CDK6: variants seen among roughly 807,000 people sequenced by gnomAD.
CDK6 encodes cyclin dependent kinase 6, also known as cyclin-dependent kinase 6.
In CDK6, 6 loss-of-function variants were observed where a neutral mutation model predicts 37.1. The observed-to-expected ratio is 0.16, with a 90% CI of 0.09 to 0.32. The LOEUF is 0.32. CDK6 is among the 10% of genes least tolerant of loss of function. The pLI, the probability that CDK6 is intolerant of heterozygous loss-of-function variation, is 1.00. For missense variants in CDK6, 224 were observed against 418.9 expected (o/e 0.53, Z 4.06); for synonymous variants, 160 against 161.3 (o/e 0.99, Z 0.06).
intron 4 of CDK6, among the ~76,000 whole-genome samples, chr7:92,697,646 G>A (rs1197333531): frequency 1.3e-5 from 2 of 152,056 alleles, no homozygotes; most frequent in Non-Finnish European, 1.5e-5. Context: ...AGAAGCCCCC[G>A]GGAAACATAT....
At chr7:92,702,230 T>TC (rs1462594227) in intron 4 of CDK6, among the ~76,000 whole-genome samples, 17 of 119,316 alleles carry the variant, frequency 1.4e-4, no homozygotes, top group African/African-American at 5.4e-4. Context: ...CTTTTTTTTT[T>TC]TTTTTTTTTT....
At position 92,834,168 on chromosome 7, in the gene CDK6, C is replaced by T. The variant is rs1214009572; in HGVS notation, c.-367-478G>A. Reference sequence around the variant, plus strand: ...TTCAGGGGTCGCGCACAAGCTGGAGCGGAAGGACTGTGGGTCCATCCGTGT... The same window carrying T: ...TTCAGGGGTCGCGCACAAGCTGGAGTGGAAGGACTGTGGGTCCATCCGTGT... On this transcript the variant is annotated intron_variant, in intron 1 of 7. Transcript: ENST00000424848. The surrounding 1 kb of genome is among the most constrained non-coding windows in gnomAD (Gnocchi z 4.6). Among the ~76,000 whole-genome samples, 1 of 152,106 alleles carries T rather than the reference C, an allele frequency of 6.6e-6. No individual in the cohort carries two copies. The highest frequency in any genetic ancestry group is 2.4e-5 in the African/African-American group (1 of 41,418).
intron 2 of CDK6, among the ~76,000 whole-genome samples, chr7:92,829,173 T>C (rs750282436): frequency 6.6e-6 from 1 of 152,178 alleles, no homozygotes; most frequent in Non-Finnish European, 1.5e-5. Context: ...TTATGCAATA[T>C]ATTACTAAGA....
chr7:92,691,742 T>G (rs2116643062), intron 4 of CDK6, among the ~76,000 whole-genome samples: 1 of 152,318 alleles, frequency 6.6e-6, no homozygotes, highest in East Asian at 1.9e-4. Context: ...AAGAAAAGAC[T>G]GAAGTATATA....
chr7:92,829,464 T>G (rs983676813), intron 2 of CDK6, among the ~76,000 whole-genome samples: 1 of 152,176 alleles, frequency 6.6e-6, no homozygotes, highest in Non-Finnish European at 1.5e-5. Context: ...TCCTATCATG[T>G]ATCAGGGTTA....
chr7:92,715,734 C>A (rs1425942897), intron 4 of CDK6, among the ~76,000 whole-genome samples: 3 of 150,102 alleles, frequency 2.0e-5, no homozygotes, highest in Non-Finnish European at 3.0e-5. Context: ...AGTCTGAGCT[C>A]AACTTTTGGA....
chr7:92,833,061 A>G lies in CDK6; in HGVS notation c.233+30T>C, dbSNP rs1452676396. The G allele has an allele frequency of 2.7e-6, 4 of 1,481,608 alleles. No individual in the cohort carries two copies. The highest frequency in any genetic ancestry group is 9.1e-7 in the Non-Finnish European group (1 of 1,096,992). 91.8% of individuals were successfully genotyped at this position (1,481,608 alleles called of 1,614,324 possible). A position where few individuals can be genotyped will look rare whatever the true frequency, so the allele number is the denominator to read the frequency against. ...GCCCTCCCCGCGCGCGCGAGGCCCC[A>G]GATGGCGAGGGCGCAGCTCCCTGGC... On this transcript the variant is annotated intron_variant, in intron 2 of 7. Coordinates refer to ENST00000424848, the MANE Select transcript of CDK6 (RefSeq NM_001145306.2). The surrounding 1 kb of genome is among the most constrained non-coding windows in gnomAD (Gnocchi z 6.1).
At chr7:92,794,506 G>C (rs754591555) in intron 2 of CDK6, among the ~76,000 whole-genome samples, 1 of 152,086 alleles carries the variant, frequency 6.6e-6, no homozygotes, top group African/African-American at 2.4e-5. Context: ...ACTTACAGTT[G>C]CTAGAATGTG....
chr7:92,813,988 A>G (rs1240555330), intron 2 of CDK6, among the ~76,000 whole-genome samples: 1 of 152,212 alleles, frequency 6.6e-6, no homozygotes. Flanking sequence ...TAAGCTTGTA[A>G]TGATTCATTT....
intron 4 of CDK6, among the ~76,000 whole-genome samples, chr7:92,709,006 C>A (rs1798027290): frequency 6.6e-6 from 1 of 152,090 alleles, no homozygotes; most frequent in Admixed American, 6.6e-5. Flanking sequence ...ATTTTTATTT[C>A]TTATTTATCT....
intron 3 of CDK6, among the ~76,000 whole-genome samples, chr7:92,751,441 T>A (rs1799185581): frequency 6.6e-6 from 1 of 152,128 alleles, no homozygotes; most frequent in South Asian, 2.1e-4. Context: ...TAAGCAGGAT[T>A]TTTTCATTGG....
chr7:92,827,705 T>C (rs1203724059), intron 2 of CDK6, among the ~76,000 whole-genome samples: 4 of 152,182 alleles, frequency 2.6e-5, no homozygotes, highest in African/African-American at 4.8e-5. Context: ...CTCCTGGATC[T>C]TGGACAAAGC....
At position 92,652,937 on chromosome 7, in the gene CDK6, C is replaced by T. The variant is rs77836293; in HGVS notation, c.647+18489G>A. On this transcript the variant is annotated intron_variant, in intron 5 of 7. Coordinates refer to ENST00000424848, the MANE Select transcript of CDK6 (RefSeq NM_001145306.2). ...CCTTGCATCACTAAACTTTGTGTTGCCTTCACACATTAAGACAACTTAGCT... is the reference window on the plus strand; with the variant it reads ...CCTTGCATCACTAAACTTTGTGTTGTCTTCACACATTAAGACAACTTAGCT... Among the ~76,000 whole-genome samples, 103 of 152,256 alleles carry T rather than the reference C, an allele frequency of 6.8e-4. No individual in the cohort carries two copies. In the East Asian group the frequency reaches 0.015, roughly 23 times the overall value.
At chr7:92,714,661 C>T (rs1397962527) in intron 4 of CDK6, among the ~76,000 whole-genome samples, 3 of 152,130 alleles carry the variant, frequency 2.0e-5, no homozygotes, top group Non-Finnish European at 2.9e-5. Context: ...TTCATCCATT[C>T]TGCAAAAATG....
intron 3 of CDK6, among the ~76,000 whole-genome samples, chr7:92,772,474 A>C (rs1486592236): frequency 6.6e-6 from 1 of 152,072 alleles, no homozygotes; most frequent in Non-Finnish European, 1.5e-5. Flanking sequence ...CCTCCAGGAC[A>C]ATCCCTGTTC....
chr7:92,795,155 C>T (rs772513841), intron 2 of CDK6, among the ~76,000 whole-genome samples: 7 of 152,168 alleles, frequency 4.6e-5, no homozygotes, highest in South Asian at 2.1e-4. Flanking sequence ...AAGTTATTGT[C>T]GTTTTTCCCC....
chr7:92,674,884 T>C (rs1379425548), intron 4 of CDK6, among the ~76,000 whole-genome samples: 1 of 152,246 alleles, frequency 6.6e-6, no homozygotes, highest in Non-Finnish European at 1.5e-5. Flanking sequence ...CAGACTGGAA[T>C]GCAATGGTGC....
At chr7:92,787,163 C>T (rs2115839383) in intron 2 of CDK6, among the ~76,000 whole-genome samples, 1 of 114,306 alleles carries the variant, frequency 8.7e-6, no homozygotes, top group African/African-American at 3.5e-5. Flanking sequence ...ACCTGGGCAA[C>T]AGAGTAAGTG....
chr7:92,645,052 C>T (rs1175765854), intron 5 of CDK6, among the ~76,000 whole-genome samples: 1 of 152,184 alleles, frequency 6.6e-6, no homozygotes, highest in Non-Finnish European at 1.5e-5. Context: ...AATTGTTCAC[C>T]CCCACACGCA....
Sources: gnomAD v4.1 joint callset for allele counts (sites outside exome capture counted in the v4.1 genomes callset) on GRCh38, gnomAD v4.1.1 for gene constraint, Gnocchi (gnomAD v3.1) non-coding constraint, MANE v1.5 for transcripts, NCBI Gene and HGNC (gene_info 2026-07-23, HGNC 2026-07-21) for gene names.